SLC34A2: variants seen among roughly 807,000 people sequenced by gnomAD.
SLC34A2 encodes sodium-dependent phosphate transport protein 2B.
Under a neutral mutation model 50.8 loss-of-function variants are expected in SLC34A2, and 41 were observed. That is an observed-to-expected ratio of 0.81 (90% CI 0.63 to 1.05). The LOEUF (loss-of-function observed/expected upper bound fraction) is 1.05, where lower values mean the gene tolerates loss of function less well. Ranked by LOEUF, SLC34A2 falls within the 50% of genes least tolerant of loss-of-function variation. The pLI is 0.00. For synonymous variants in SLC34A2, 401 were observed against 364.2 expected (o/e 1.10, Z -1.15); for missense variants, 879 against 876.7 (o/e 1.00, Z -0.03).
intron 10 of SLC34A2, 136 bp downstream of exon 10, chr4:25,673,390 T>A (rs1714928426): frequency 1.1e-6 from 1 of 903,578 alleles, no homozygotes; most frequent in African/African-American, 1.6e-5. Flanking sequence ...GAAGTGAGGA[T>A]GTCATTCACC....
chr4:25,658,968 G>A (rs898237530), intron 1 of SLC34A2, among the ~76,000 whole-genome samples: 2 of 138,166 alleles, frequency 1.4e-5, no homozygotes, highest in East Asian at 2.2e-4. Context: ...ATTCTTGGGC[G>A]GGCATTTCCA....
chr4:25,666,199 G>A lies in SLC34A2; in HGVS notation c.451G>A (p.Val151Met), dbSNP rs1429486561. The change falls in exon 5 of 13, where the codon GTG becomes ATG. Residue 151 changes from valine (V) to methionine (M), a missense_variant. Val to Met is a conservative substitution (Grantham distance 21). Coordinates refer to ENST00000382051, the MANE Select transcript of SLC34A2 (RefSeq NM_006424.3). ...CCCTTTGTTGGGGCTGGTGATCGGG[G>A]TGCTGGTGACCGTCTTGGTGCAGAG... ...SNPLLGLVIG[V>M]LVTVLVQSSS... is the part of the protein sequence containing the mutation. 6.2e-6 allele frequency: 10 copies of A among 1,613,922 alleles called. No homozygotes were observed. In the African/African-American group the frequency reaches 8.0e-5, roughly 13 times the overall value.
chr4:25,673,728 C>T (rs76627887), intron 10 of SLC34A2, among the ~76,000 whole-genome samples: 7,070 of 152,184 alleles, frequency 0.046, 195 homozygotes, highest in Middle Eastern at 0.11. Flanking sequence ...AATGAGAGCT[C>T]GCTAAGCCAA....
intron 3 of SLC34A2, 76 bp from the exon 4 acceptor site, chr4:25,664,126 T>C (rs1479247110): frequency 2.7e-6 from 4 of 1,502,706 alleles, no homozygotes; most frequent in Non-Finnish European, 3.7e-6. Context: ...CTGAGCTCAT[T>C]GCCAAACTTC....
chr4:25,674,638 T>C lies in SLC34A2; in HGVS notation c.1458+9T>C, dbSNP rs1176128951. The stretch of plus-strand genomic sequence containing the variant: ...TGAGGAGTTCACTCCAGGTCAGGAC[T>C]TGGGGCACGGGGACAGGGGCCCTGG... On this transcript the variant is annotated intron_variant, in intron 12 of 12. Coordinates refer to ENST00000382051, the MANE Select transcript of SLC34A2 (RefSeq NM_006424.3). The C allele has an allele frequency of 6.2e-7, 1 of 1,614,098 alleles. No individual in the cohort carries two copies. Among genetic ancestry groups the C allele is most frequent in the African/African-American group, 1.3e-5 (1 of 75,054 alleles).
intron 6 of SLC34A2, among the ~76,000 whole-genome samples, chr4:25,668,242 AC>A (rs1714608718): frequency 6.6e-6 from 1 of 152,148 alleles, no homozygotes; most frequent in African/African-American, 2.4e-5. Context: ...TAAATATACA[AC>A]CCAGCAGGTG....
intron 1 of SLC34A2, among the ~76,000 whole-genome samples, chr4:25,659,091 G>A (rs1714046478): frequency 6.6e-6 from 1 of 152,048 alleles, no homozygotes; most frequent in African/African-American, 2.4e-5. Flanking sequence ...GTGCCCTGGT[G>A]CTTTGAGGGC....
chr4:25,656,179 G>C (rs2109043048), intron 1 of SLC34A2, among the ~76,000 whole-genome samples: 1 of 152,318 alleles, frequency 6.6e-6, no homozygotes, highest in Admixed American at 6.5e-5. Flanking sequence ...TCGTGGTTTG[G>C]AAGAGGAAAG....
chr4:25,675,606 A>G (rs898475496), intron 12 of SLC34A2, among the ~76,000 whole-genome samples: 3 of 152,236 alleles, frequency 2.0e-5, no homozygotes, highest in Non-Finnish European at 1.5e-5. Context: ...AATGTATTTG[A>G]TCTAAACCAT....
intron 7 of SLC34A2, 107 bp downstream of exon 7, chr4:25,669,949 A>C: frequency 9.5e-7 from 1 of 1,058,116 alleles, no homozygotes; most frequent in Non-Finnish European, 1.5e-6. Flanking sequence ...TGGGCCTGGC[A>C]TGGTGGCTCA....
At chr4:25,664,005 C>G (rs76930256) in intron 3 of SLC34A2, among the ~76,000 whole-genome samples, 197 bp from the exon 4 acceptor site, 5 of 152,254 alleles carry the variant, frequency 3.3e-5, no homozygotes, top group African/African-American at 1.2e-4. Context: ...TGGACCACAG[C>G]GGTAACTGCT....
In SLC34A2 at chr4:25,669,970, C is replaced by G. The variant is rs987236847; in HGVS notation, c.831+128C>G. ...TGGCATGGTGGCTCACCCTTGTTTTCCCAGCACTTTGGGAGGCCGAGGCAG... is the reference window on the plus strand; with the variant it reads ...TGGCATGGTGGCTCACCCTTGTTTTGCCAGCACTTTGGGAGGCCGAGGCAG... On this transcript the variant is annotated intron_variant, in intron 7 of 12. Coordinates refer to ENST00000382051, the MANE Select transcript of SLC34A2 (RefSeq NM_006424.3). The G allele has an allele frequency of 2.2e-5, 20 of 927,294 alleles. No individual in the cohort carries two copies. In the African/African-American group the frequency reaches 2.7e-4, roughly 13 times the overall value. The allele number at this position is 927,294 out of a possible 1,614,324, so 57.4% of individuals were successfully genotyped here.
intron 4 of SLC34A2, 106 bp downstream of exon 4, chr4:25,664,436 G>A (rs1714381882): frequency 1.6e-6 from 2 of 1,269,414 alleles, no homozygotes; most frequent in South Asian, 2.4e-5. Flanking sequence ...CTCCTGGAGT[G>A]TTTTAGGACT....
chr4:25,676,576 G>A lies in SLC34A2; in HGVS notation c.1900G>A (p.Asp634Asn). The A allele has an allele frequency of 6.2e-7, 1 of 1,613,162 alleles. No homozygotes were observed. Among genetic ancestry groups the A allele is most frequent in the Non-Finnish European group, 8.5e-7 (1 of 1,179,222 alleles). The change falls in exon 13 of 13, where the codon GAC (aspartate) becomes AAC (asparagine). Residue 634 changes from aspartate (D) to asparagine (N), a missense_variant. Physicochemically the swap from Asp to Asn is conservative, Grantham distance 23. Coordinates refer to ENST00000382051, the MANE Select transcript of SLC34A2 (RefSeq NM_006424.3). ...VCCRACCLLC[D>N]CPKCCRCSKC... ...CTGCCGCGCGTGCTGCTTGCTGTGT[G>A]ACTGCCCCAAGTGCTGCCGCTGCAG...
Position 25,669,773 on chromosome 4 carries a change from C to T in SLC34A2, c.762C>T (p.Phe254=). The change falls in exon 7 of 13, where the codon TTC becomes TTT. Residue 254 remains phenylalanine, a synonymous_variant. Transcript: ENST00000382051. ...ITQLIVESFH[F]KNGEDAPDLL... is the part of the protein sequence containing the mutation. ...AGCTTATAGTGGAGAGCTTCCACTT[C>T]AAGAATGGAGAAGATGCCCCAGATC... is the stretch of plus-strand genomic sequence containing the variant. 1 of 1,614,156 alleles carries T rather than the reference C, an allele frequency of 6.2e-7. No individual in the cohort carries two copies. Among genetic ancestry groups the T allele is most frequent in the East Asian group, 2.2e-5 (1 of 44,890 alleles).
chr4:25,675,439 C>G (rs1476814005), intron 12 of SLC34A2, among the ~76,000 whole-genome samples: 1 of 152,240 alleles, frequency 6.6e-6, no homozygotes, highest in East Asian at 1.9e-4. Flanking sequence ...TAACCCCTAT[C>G]TCATTAGGAT....
In SLC34A2 at chr4:25,668,665, A is replaced by T. The variant is rs570603811; in HGVS notation, c.635+674A>T. On this transcript the variant is annotated intron_variant, in intron 6 of 12. Coordinates refer to ENST00000382051, the MANE Select transcript of SLC34A2 (RefSeq NM_006424.3). ...TAAAAAAAAAAAAAAAAATAAATAA[A>T]TACTGTTTTGTTTGGTCATAATTAT... is the stretch of plus-strand genomic sequence containing the variant. Among the ~76,000 whole-genome samples the T allele has an allele frequency of 4.0e-5, 6 of 151,688 alleles. No homozygotes were observed. The East Asian group carries it at 1.2e-3, about 29-fold the overall frequency.
In SLC34A2 at chr4:25,673,230, G is replaced by A. The variant is rs765673564; in HGVS notation, c.1192G>A (p.Val398Ile). Residue 398 changes from valine to isoleucine, a missense_variant, in exon 10 of 13, where the codon GTC becomes ATC. Physicochemically the swap from Val to Ile is conservative, Grantham distance 29. Coordinates refer to ENST00000382051, the MANE Select transcript of SLC34A2 (RefSeq NM_006424.3). ...TGTGCTCAAGGGGCAGGTCGCCACTGTCATCAAGAAGACCATCAACACTGG... is the reference window on the plus strand; with the variant it reads ...TGTGCTCAAGGGGCAGGTCGCCACTATCATCAAGAAGACCATCAACACTGG... ...GSVLKGQVATVIKKTINTDFP... is the reference protein window; with the variant it reads ...GSVLKGQVATIIKKTINTDFP... 1.6e-4 allele frequency: 266 copies of A among 1,613,784 alleles called. No individual in the cohort carries two copies. The highest frequency in any genetic ancestry group is 2.2e-4 in the Non-Finnish European group (258 of 1,180,034).
intron 7 of SLC34A2, 63 bp downstream of exon 7, chr4:25,669,905 A>G (rs773154183): frequency 7.3e-7 from 1 of 1,365,728 alleles, no homozygotes; most frequent in Non-Finnish European, 1.0e-6. Flanking sequence ...CCCCTACCTG[A>G]GCTGACAGAT....
Sources: allele counts gnomAD v4.1 joint callset (sites outside exome capture counted in the v4.1 genomes callset), GRCh38; gene constraint gnomAD v4.1.1; transcripts MANE v1.5; gene names NCBI Gene and HGNC (gene_info 2026-07-23, HGNC 2026-07-21).